Variants in PTPRN2 observed in about 807,000 individuals in gnomAD.
PTPRN2 encodes the protein receptor-type tyrosine-protein phosphatase N2.
A neutral mutation model predicts 118.8 loss-of-function variants in PTPRN2; 74 were observed. That is an observed-to-expected ratio of 0.62 (90% confidence interval 0.52 to 0.76). The LOEUF is 0.76. Among genes scored for constraint, PTPRN2 ranks in the 30% least tolerant of loss-of-function variants. The probability of loss-of-function intolerance (pLI) is 0.00; values close to 1 mark genes in which losing one functional copy is unlikely to be tolerated. For missense variants in PTPRN2, 1,481 were observed against 1,394.4 expected (o/e 1.06, Z -0.99); for synonymous variants, 641 against 608.0 (o/e 1.05, Z -0.80).
rs558935685 is a variant in PTPRN2 at position 158,250,341 on chromosome 7, T to C, written c.278-45068A>G. Among the ~76,000 whole-genome samples, 82 of 152,250 alleles carry C rather than the reference T, an allele frequency of 5.4e-4. 2 individuals are homozygous for C. In the South Asian group the frequency reaches 0.017, roughly 31 times the overall value. On this transcript the variant is annotated intron_variant, in intron 3 of 22. Coordinates refer to ENST00000389418, the MANE Select transcript of PTPRN2 (RefSeq NM_002847.5). ...ATTTTCAGATTCTTTCTAATGCATA[T>C]AGGTTATTTATTGTTATACATTTAT... is the stretch of plus-strand genomic sequence containing the variant.
rs960285972 is a variant in PTPRN2 at position 158,587,790 on chromosome 7, T to C, written c.-121A>G. On this transcript the variant is annotated 5_prime_UTR_variant, in exon 1 of 23. Transcript: ENST00000389418. ...CCTCCCGCCGCGCCTCTCGCGCTCT[T>C]GCGGCGACGCCGGGCCGAGCTTCAG... The C allele has an allele frequency of 4.2e-6, 4 of 947,564 alleles. No individual in the cohort carries two copies. The highest frequency in any genetic ancestry group is 1.3e-6 in the Non-Finnish European group (1 of 793,014). 58.7% of individuals were successfully genotyped at this position (947,564 alleles called of 1,614,324 possible).
intron 5 of PTPRN2, among the ~76,000 whole-genome samples, chr7:158,182,181 G>A (rs1278118812): frequency 1.3e-5 from 2 of 152,152 alleles, no homozygotes; most frequent in African/African-American, 4.8e-5. Context: ...AAAAATCATT[G>A]AGGAGCATAT....
At chr7:158,180,138 A>G (rs1824572507) in intron 5 of PTPRN2, among the ~76,000 whole-genome samples, 1 of 152,234 alleles carries the variant, frequency 6.6e-6, no homozygotes. Context: ...GCTAAGCCCC[A>G]CTTTGGGGCT....
In PTPRN2 at chr7:158,123,721, A is replaced by G. The variant is rs112856129; in HGVS notation, c.1556+9956T>C. Among the ~76,000 whole-genome samples, 510 of 152,290 alleles carry G rather than the reference A, an allele frequency of 3.3e-3. 5 individuals carry two copies. The highest frequency in any genetic ancestry group is 0.012 in the African/African-American group (489 of 41,538). On this transcript the variant is annotated intron_variant, in intron 9 of 22. Transcript: ENST00000389418. Reference sequence around the variant, plus strand: ...TGAGACTGTACTGCTCACTATAAACACTTTTTAAATGCCAGCAGCTAACTA... The same window carrying G: ...TGAGACTGTACTGCTCACTATAAACGCTTTTTAAATGCCAGCAGCTAACTA...
chr7:157,716,151 T>A (rs1441164903), intron 12 of PTPRN2, among the ~76,000 whole-genome samples: 1 of 152,104 alleles, frequency 6.6e-6, no homozygotes, highest in African/African-American at 2.4e-5. Flanking sequence ...CAGGACACTG[T>A]GGGCATCGCC....
intron 3 of PTPRN2, among the ~76,000 whole-genome samples, chr7:158,294,725 G>A (rs1456429828): frequency 6.6e-6 from 1 of 152,192 alleles, no homozygotes; most frequent in Non-Finnish European, 1.5e-5. Flanking sequence ...TGGGAGCACG[G>A]GTCGCCCAGA....
intron 3 of PTPRN2, among the ~76,000 whole-genome samples, chr7:158,264,578 G>A (rs1466827558): frequency 2.6e-5 from 4 of 152,140 alleles, no homozygotes; most frequent in Admixed American, 1.3e-4. Context: ...GGGGACCATC[G>A]AGATGGCCCT....
chr7:157,777,450 G>A (rs542600709), intron 12 of PTPRN2, among the ~76,000 whole-genome samples: 64 of 146,368 alleles, frequency 4.4e-4, no homozygotes, highest in African/African-American at 1.6e-3. Context: ...CGGAGGACAC[G>A]CAGTGCCCCA....
In PTPRN2 at chr7:158,438,176, G is replaced by A. The variant is rs1816709382; in HGVS notation, c.163+51559C>T. ...GCGGATCACCTGAGGTCAGGAATTTGAGACCAGCCTGGCCAACATGGTGAA... is the reference window on the plus strand; with the variant it reads ...GCGGATCACCTGAGGTCAGGAATTTAAGACCAGCCTGGCCAACATGGTGAA... On this transcript the variant is annotated intron_variant, in intron 2 of 22. Transcript: ENST00000389418. This position sits in a 1 kb window ranked among gnomAD's most constrained non-coding sequence, Gnocchi z 4.7. Among the ~76,000 whole-genome samples the A allele has an allele frequency of 6.6e-6, 1 of 152,122 alleles. No individual in the cohort carries two copies. Among genetic ancestry groups the A allele is most frequent in the Non-Finnish European group, 1.5e-5 (1 of 68,022 alleles).
intron 1 of PTPRN2, among the ~76,000 whole-genome samples, chr7:158,528,832 C>T (rs924951160): frequency 6.6e-6 from 1 of 150,872 alleles, no homozygotes; most frequent in Non-Finnish European, 1.5e-5. Flanking sequence ...GAACTGTGCA[C>T]GATGGACACT....
At chr7:157,774,839 C>T (rs966820810) in intron 12 of PTPRN2, among the ~76,000 whole-genome samples, 13 of 152,150 alleles carry the variant, frequency 8.5e-5, no homozygotes, top group East Asian at 7.8e-4. Context: ...ACCAGTCCGA[C>T]GGGGGAGGCT....
At chr7:158,082,032 T>C (rs1349172736) in intron 10 of PTPRN2, among the ~76,000 whole-genome samples, 2 of 152,202 alleles carry the variant, frequency 1.3e-5, no homozygotes, top group Non-Finnish European at 2.9e-5. Context: ...CCAGGGTCCA[T>C]TCCCAAAGAC....
chr7:157,847,389 C>T (rs112723921), intron 12 of PTPRN2, among the ~76,000 whole-genome samples: 26 of 137,372 alleles, frequency 1.9e-4, no homozygotes, highest in African/African-American at 6.9e-4. Context: ...GACTCTATCA[C>T]GTGTGCCCAA....
In PTPRN2 at chr7:158,438,526, C is replaced by G. The variant is rs1006347343; in HGVS notation, c.163+51209G>C. The stretch of plus-strand genomic sequence containing the variant: ...TCTCAAATCCCGGTTGCCTCCGCAG[C>G]TCCCCAAAGCAGGCATTCTGTGGAT... On this transcript the variant is annotated intron_variant, in intron 2 of 22. Transcript: ENST00000389418. This position sits in a 1 kb window ranked among gnomAD's most constrained non-coding sequence, Gnocchi z 4.7. Among the ~76,000 whole-genome samples, 2 of 152,164 alleles carry G rather than the reference C, an allele frequency of 1.3e-5. No homozygotes were observed. Among genetic ancestry groups the G allele is most frequent in the Non-Finnish European group, 2.9e-5 (2 of 68,046 alleles).
chr7:157,809,019 G>A (rs536501582), intron 12 of PTPRN2, among the ~76,000 whole-genome samples: 2 of 152,332 alleles, frequency 1.3e-5, no homozygotes, highest in African/African-American at 4.8e-5. Context: ...GAAGTGTGCT[G>A]TGTCACTTGC....
chr7:157,912,214 G>A (rs1020766520), intron 11 of PTPRN2, among the ~76,000 whole-genome samples: 8 of 152,186 alleles, frequency 5.3e-5, no homozygotes, highest in Non-Finnish European at 7.3e-5. Context: ...ACACTTTGCC[G>A]ATTTGGTAGA....
intron 11 of PTPRN2, among the ~76,000 whole-genome samples, chr7:157,918,494 G>A (rs932447079): frequency 6.6e-6 from 1 of 152,162 alleles, no homozygotes; most frequent in Non-Finnish European, 1.5e-5. Flanking sequence ...GGGAGCAGGG[G>A]AAGTCATCTT....
At chr7:158,213,183 T>C (rs990879417) in intron 3 of PTPRN2, among the ~76,000 whole-genome samples, 8 of 149,788 alleles carry the variant, frequency 5.3e-5, no homozygotes, top group Non-Finnish European at 1.0e-4. Context: ...TACCAAAATC[T>C]TCAAATCAGG....
chr7:157,795,649 T>C (rs998465015), intron 12 of PTPRN2, among the ~76,000 whole-genome samples: 30 of 152,376 alleles, frequency 2.0e-4, no homozygotes, highest in African/African-American at 6.7e-4. Context: ...AAGCTATTGA[T>C]AACAACAAAG....
Sources: allele counts gnomAD v4.1 joint callset (sites outside exome capture counted in the v4.1 genomes callset), GRCh38; gene constraint gnomAD v4.1.1; non-coding constraint Gnocchi (gnomAD v3.1); transcripts MANE v1.5; gene names NCBI Gene and HGNC (gene_info 2026-07-23, HGNC 2026-07-21).